MYOM2: variants seen among roughly 807,000 people sequenced by gnomAD.
MYOM2 encodes myomesin 2.
Under a neutral mutation model 187.6 loss-of-function variants are expected in MYOM2, and 254 were observed. The ratio of observed to expected loss-of-function variants is 1.35; its 90% confidence interval spans 1.22 to 1.50. The LOEUF is 1.50. Among genes scored for constraint, MYOM2 ranks in the 40% most tolerant of loss-of-function variants. MYOM2 has a pLI of 0.00. For synonymous variants in MYOM2, 981 were observed against 753.8 expected (o/e 1.30, Z -4.94); for missense variants, 2,796 against 1,924.0 (o/e 1.45, Z -8.48).
chr8:2,079,082 G>C, intron 12 of MYOM2, 149 bp downstream of exon 12: 3 of 706,344 alleles, frequency 4.2e-6, no homozygotes, highest in Non-Finnish European at 7.1e-6. Context: ...AACGTTCTCT[G>C]ACATCTCCAC....
At chr8:2,134,006 G>A (rs796331911) in intron 32 of MYOM2, among the ~76,000 whole-genome samples, 5,565 of 130,126 alleles carry the variant, frequency 0.043, 1 homozygote, top group African/African-American at 0.11. Context: ...TGAGGTTAAC[G>A]CCTTGTGTAG....
At chr8:2,053,858 C>G (rs1255221133) in intron 3 of MYOM2, among the ~76,000 whole-genome samples, 1 of 152,222 alleles carries the variant, frequency 6.6e-6, no homozygotes, top group Admixed American at 6.5e-5. Context: ...GTGTTGTATT[C>G]TCCTAACCCA....
chr8:2,073,409 C>T lies in MYOM2; in HGVS notation c.1029C>T (p.Ser343=), dbSNP rs749722016. The change falls in exon 10 of 37, where the codon AGC becomes AGT. Residue 343 remains serine (S), a synonymous_variant. Transcript: ENST00000262113. ...AAGGCCAGGCCTCCCTGTCCTTCAG[C>T]CACCTGCACAAGGACGACGAGGGCC... The part of the protein sequence containing the change: ...FGEGQASLSF[S]HLHKDDEGLY... 6.2e-7 allele frequency: 1 copy of T among 1,613,282 alleles called. No individual in the cohort carries two copies. The highest frequency in any genetic ancestry group is 1.1e-5 in the South Asian group (1 of 90,908).
chr8:2,127,217 C>T (rs968227436), intron 31 of MYOM2, among the ~76,000 whole-genome samples: 2 of 152,046 alleles, frequency 1.3e-5, no homozygotes, highest in African/African-American at 4.8e-5. Context: ...AGTTGTGATT[C>T]CTTGAAGGGT....
intron 28 of MYOM2, among the ~76,000 whole-genome samples, chr8:2,121,360 C>A (rs561919977): frequency 6.6e-6 from 1 of 152,080 alleles, no homozygotes; most frequent in Non-Finnish European, 1.5e-5. Context: ...GCGAGACCCC[C>A]GAGTTCTGCT....
intron 1 of MYOM2, among the ~76,000 whole-genome samples, chr8:2,047,866 G>A (rs1003095917): frequency 6.6e-6 from 1 of 152,164 alleles, no homozygotes; most frequent in African/African-American, 2.4e-5. Context: ...AGACTTCCAG[G>A]CCCACAGGAC....
chr8:2,103,928 G>T (rs1480073846), intron 21 of MYOM2, among the ~76,000 whole-genome samples: 4 of 152,148 alleles, frequency 2.6e-5, no homozygotes, highest in African/African-American at 9.7e-5. Context: ...ATGGGTGTAC[G>T]GATAAATGAA....
At chr8:2,094,175 G>C (rs1796403377) in intron 17 of MYOM2, 84 bp downstream of exon 17, 3 of 1,524,790 alleles carry the variant, frequency 2.0e-6, no homozygotes, top group South Asian at 1.2e-5. Context: ...ATGCCATTTG[G>C]AATGTCATTG....
intron 13 of MYOM2, among the ~76,000 whole-genome samples, chr8:2,081,547 A>G (rs1819628285): frequency 6.6e-6 from 1 of 152,236 alleles, no homozygotes; most frequent in Non-Finnish European, 1.5e-5. Context: ...CCAGCCTGGC[A>G]AAAATGACCC....
At chr8:2,067,163 G>C (rs1173603764) in intron 6 of MYOM2, among the ~76,000 whole-genome samples, 4 of 152,108 alleles carry the variant, frequency 2.6e-5, no homozygotes, top group Non-Finnish European at 4.4e-5. Flanking sequence ...GGAAATTTTT[G>C]ATCTAAGAAA....
chr8:2,057,340 T>A lies in MYOM2; in HGVS notation c.264-8T>A, dbSNP rs777675055. 1 of 1,595,952 alleles carries A rather than the reference T, an allele frequency of 6.3e-7. No individual in the cohort carries two copies. Among genetic ancestry groups the A allele is most frequent in the Admixed American group, 1.8e-5 (1 of 56,372 alleles). On this transcript the variant is annotated splice_region_variant and splice_polypyrimidine_tract_variant and intron_variant, in intron 3 of 36. Transcript: ENST00000262113. ...CCTGCAACTGAGGCTGCTTCTCGGC[T>A]CCTGCAGGTACCAGTCCCTGGTGGC... is the stretch of plus-strand genomic sequence containing the variant.
At chr8:2,128,525 C>G (rs1040083712) in intron 31 of MYOM2, among the ~76,000 whole-genome samples, 1 of 152,212 alleles carries the variant, frequency 6.6e-6, no homozygotes, top group African/African-American at 2.4e-5. Flanking sequence ...CTTATCTTCT[C>G]CTTTCTGACC....
chr8:2,054,473 G>A (rs532790209), intron 3 of MYOM2, among the ~76,000 whole-genome samples: 33 of 152,298 alleles, frequency 2.2e-4, no homozygotes, highest in African/African-American at 7.0e-4. Flanking sequence ...GACAAATGAC[G>A]TTACTGTGCA....
At chr8:2,054,363 A>T (rs1818589550) in intron 3 of MYOM2, among the ~76,000 whole-genome samples, 3 of 152,136 alleles carry the variant, frequency 2.0e-5, no homozygotes, top group Admixed American at 2.0e-4. Flanking sequence ...GCCCATTGGA[A>T]ATGTCCCTCT....
At chr8:2,089,178 C>T (rs1014198335) in intron 14 of MYOM2, among the ~76,000 whole-genome samples, 1 of 26,044 alleles carries the variant, frequency 3.8e-5, no homozygotes. Context: ...AAACTACTTT[C>T]GAAAAAGGCG....
chr8:2,126,277 A>T (rs1229446075), intron 31 of MYOM2, among the ~76,000 whole-genome samples: 1 of 152,134 alleles, frequency 6.6e-6, no homozygotes, highest in African/African-American at 2.4e-5. Flanking sequence ...CTTTATTCTC[A>T]TGGGAAACTG....
At chr8:2,143,314 C>T in intron 35 of MYOM2, 87 bp from the exon 36 acceptor site, 2 of 1,459,694 alleles carry the variant, frequency 1.4e-6, no homozygotes, top group East Asian at 4.6e-5. Context: ...CCACATTCAC[C>T]TTGGTACCCA....
intron 2 of MYOM2, 45 bp downstream of exon 2, chr8:2,050,918 G>C (rs1281709144): frequency 1.4e-6 from 2 of 1,445,896 alleles, no homozygotes; most frequent in African/African-American, 2.8e-5. Context: ...TTTGATTATG[G>C]GGGTCTGACA....
intron 21 of MYOM2, among the ~76,000 whole-genome samples, chr8:2,104,102 G>T (rs952339413): frequency 6.6e-6 from 1 of 151,940 alleles, no homozygotes; most frequent in East Asian, 1.9e-4. Context: ...GTGCAGGAAG[G>T]AGGGCATTTT....
Sources: gnomAD v4.1 joint callset for allele counts (sites outside exome capture counted in the v4.1 genomes callset) on GRCh38, gnomAD v4.1.1 for gene constraint, MANE v1.5 for transcripts, NCBI Gene and HGNC (gene_info 2026-07-23, HGNC 2026-07-21) for gene names.